NDRG3: variants seen among roughly 807,000 people sequenced by gnomAD.
The protein encoded by NDRG3 is protein NDRG3.
A neutral mutation model predicts 57.2 loss-of-function variants in NDRG3; 23 were observed. That is an observed-to-expected ratio of 0.40 (90% CI 0.29 to 0.57). The LOEUF is 0.57. NDRG3 is among the 20% of genes least tolerant of loss of function. NDRG3 has a pLI of 0.42. For synonymous variants in NDRG3, 132 were observed against 162.6 expected, an observed-to-expected ratio of 0.81 and a Z score of 1.43; for missense variants, 384 against 457.3, an observed-to-expected ratio of 0.84 and a Z score of 1.46.
chr20:36,661,693 G>C lies in NDRG3; in HGVS notation c.811-1309C>G, dbSNP rs1979214431. Among the ~76,000 whole-genome samples the C allele has an allele frequency of 2.0e-5, 3 of 152,198 alleles. No homozygotes were observed. The South Asian group carries it at 6.2e-4, about 31-fold the overall frequency. On this transcript the variant is annotated intron_variant, in intron 12 of 15. Transcript: ENST00000349004. ...GAAAGTGAGGCTGGGGCACAGGCTG[G>C]AGCTGACTGTGGAAGGTAGGATGCC...
At chr20:36,660,248 CTT>C in intron 13 of NDRG3, 87 bp downstream of exon 13, 1 of 1,039,612 alleles carries the variant, frequency 9.6e-7, no homozygotes, top group Non-Finnish European at 1.4e-6. Context: ...GAGAGGGAAG[CTT>C]TGCTCCTTTC....
intron 2 of NDRG3, among the ~76,000 whole-genome samples, chr20:36,721,366 T>C (rs1051407533): frequency 2.0e-5 from 3 of 151,618 alleles, no homozygotes; most frequent in African/African-American, 7.3e-5. Context: ...CTGTCTCTAC[T>C]AAAAATACAA....
chr20:36,696,791 G>A (rs1185461094), intron 3 of NDRG3, among the ~76,000 whole-genome samples: 1 of 151,972 alleles, frequency 6.6e-6, no homozygotes, highest in Non-Finnish European at 1.5e-5. Context: ...ACGCCCGGCC[G>A]CCTCTGGCCT....
intron 1 of NDRG3, among the ~76,000 whole-genome samples, chr20:36,738,969 C>T (rs1248301321): frequency 6.8e-6 from 1 of 146,814 alleles, no homozygotes; most frequent in Non-Finnish European, 1.5e-5. Context: ...ACTAAAAATA[C>T]AAAAATTAGT....
intron 8 of NDRG3, among the ~76,000 whole-genome samples, chr20:36,673,687 A>C (rs1980384877): frequency 1.3e-5 from 2 of 151,718 alleles, no homozygotes; most frequent in Admixed American, 1.3e-4. Flanking sequence ...TAAAGCATTA[A>C]AACAATGCTT....
chr20:36,706,705 G>A (rs2148168213), intron 3 of NDRG3, among the ~76,000 whole-genome samples: 1 of 152,252 alleles, frequency 6.6e-6, no homozygotes, highest in South Asian at 2.1e-4. Flanking sequence ...TTTTCACCAT[G>A]TTGGCCGGTA....
intron 9 of NDRG3, among the ~76,000 whole-genome samples, chr20:36,670,010 AAAG>A (rs1980010863): frequency 6.6e-6 from 1 of 152,368 alleles, no homozygotes; most frequent in African/African-American, 2.4e-5. Context: ...ATGTTAAGCA[AAAG>A]AAGCCAGACT....
At chr20:36,737,049 C>G (rs1314465151) in intron 1 of NDRG3, among the ~76,000 whole-genome samples, 1 of 152,154 alleles carries the variant, frequency 6.6e-6, no homozygotes, top group Non-Finnish European at 1.5e-5. Flanking sequence ...GTTCTGGCAG[C>G]AGGTGGTAAA....
chr20:36,745,831 G>C (rs1485466792), intron 1 of NDRG3, among the ~76,000 whole-genome samples: 2 of 151,868 alleles, frequency 1.3e-5, no homozygotes, highest in African/African-American at 2.4e-5. Flanking sequence ...GGCTGGGCGC[G>C]GGGAGCGGCC....
intron 2 of NDRG3, among the ~76,000 whole-genome samples, chr20:36,709,345 C>T (rs967986109): frequency 6.6e-6 from 1 of 152,126 alleles, no homozygotes; most frequent in African/African-American, 2.4e-5. Context: ...GAAGGAATAA[C>T]GTTATGAAAG....
chr20:36,704,064 A>C (rs777180261), intron 3 of NDRG3, among the ~76,000 whole-genome samples: 32 of 151,872 alleles, frequency 2.1e-4, no homozygotes, highest in Non-Finnish European at 3.7e-4. Context: ...TTTATATTCT[A>C]ATTTTTTCTC....
intron 12 of NDRG3, among the ~76,000 whole-genome samples, chr20:36,661,285 T>A (rs1705733646): frequency 6.6e-6 from 1 of 152,252 alleles, no homozygotes; most frequent in African/African-American, 2.4e-5. Flanking sequence ...TTCACATGTC[T>A]GATATCGTGC....
chr20:36,711,056 G>A lies in NDRG3; in HGVS notation c.58-4049C>T, dbSNP rs1408714080. On this transcript the variant is annotated intron_variant, in intron 2 of 15. Transcript: ENST00000349004. ...AGCACTTTGGGAGTCCGGGGCGGGTGGATCACGAGGTCAAGAGATCAAGAC... is the reference window on the plus strand; with the variant it reads ...AGCACTTTGGGAGTCCGGGGCGGGTAGATCACGAGGTCAAGAGATCAAGAC... Among the ~76,000 whole-genome samples, 5 of 150,916 alleles carry A rather than the reference G, an allele frequency of 3.3e-5. No homozygotes were observed. The East Asian group carries it at 7.8e-4, about 24-fold the overall frequency.
intron 1 of NDRG3, among the ~76,000 whole-genome samples, chr20:36,725,901 A>C (rs542274946): frequency 3.6e-4 from 54 of 150,658 alleles, no homozygotes; most frequent in African/African-American, 1.3e-3. Context: ...TCAAGTCCAA[A>C]GTGACTGGCA....
intron 1 of NDRG3, among the ~76,000 whole-genome samples, chr20:36,739,134 CAAAAAAAAAAAA>C (rs57208101): frequency 1.1e-5 from 1 of 87,294 alleles, no homozygotes; most frequent in Non-Finnish European, 2.0e-5. Context: ...GACCCCATCT[CAAAAAAAAAAAA>C]AAAAAAAAAA....
chr20:36,706,875 A>G, intron 3 of NDRG3, 97 bp downstream of exon 3: 2 of 1,026,646 alleles, frequency 1.9e-6, no homozygotes, highest in South Asian at 2.9e-5. Flanking sequence ...ATTATTAGCT[A>G]TAATGAGAGA....
chr20:36,712,589 T>A (rs8113981), intron 2 of NDRG3, among the ~76,000 whole-genome samples: 75 of 19,840 alleles, frequency 3.8e-3, no homozygotes, highest in East Asian at 6.8e-3. Context: ...ATATATATAT[T>A]TTTTTTTTTT....
At chr20:36,692,965 T>C (rs1189645306) in intron 3 of NDRG3, among the ~76,000 whole-genome samples, 8 of 146,562 alleles carry the variant, frequency 5.5e-5, no homozygotes, top group Non-Finnish European at 1.2e-4. Context: ...ATCCCAACTA[T>C]TCGGGAAGCT....
At chr20:36,680,006 T>A (rs962358041) in intron 8 of NDRG3, among the ~76,000 whole-genome samples, 3 of 150,704 alleles carry the variant, frequency 2.0e-5, no homozygotes, top group African/African-American at 7.3e-5. Context: ...GTATTTTTAG[T>A]AGAGATGGGG....
Sources: gnomAD v4.1 joint callset for allele counts (sites outside exome capture counted in the v4.1 genomes callset) on GRCh38, gnomAD v4.1.1 for gene constraint, MANE v1.5 for transcripts, NCBI Gene and HGNC (gene_info 2026-07-23, HGNC 2026-07-21) for gene names.